The following MITF variants were observed in gnomAD, a reference collection of about 807,000 sequenced individuals.
The protein encoded by MITF is microphthalmia-associated transcription factor.
In MITF, 17 loss-of-function variants were observed where a neutral mutation model predicts 60.5. That is an observed-to-expected ratio of 0.28 (90% CI 0.19 to 0.42). The LOEUF (loss-of-function observed/expected upper bound fraction) is 0.42. MITF is among the 10% of genes least tolerant of loss of function. The pLI, the probability that MITF is intolerant of heterozygous loss-of-function variation, is 1.00. For synonymous variants in MITF, 260 were observed against 248.5 expected (o/e 1.05, Z -0.43); for missense variants, 622 against 683.5 (o/e 0.91, Z 1.00).
At chr3:69,842,709 A>T (rs2063661413) in intron 1 of MITF, among the ~76,000 whole-genome samples, 1 of 151,908 alleles carries the variant, frequency 6.6e-6, no homozygotes, top group Non-Finnish European at 1.5e-5. Context: ...TTTACTGTGT[A>T]ACAAATTTGC....
intron 2 of MITF, among the ~76,000 whole-genome samples, chr3:69,912,187 A>G (rs1445089207): frequency 1.3e-5 from 2 of 152,240 alleles, no homozygotes; most frequent in African/African-American, 4.8e-5. Flanking sequence ...AAAATCACAC[A>G]AAGTTATAGG....
At chr3:69,871,632 CTT>C (rs2064239227) in intron 1 of MITF, among the ~76,000 whole-genome samples, 1 of 152,138 alleles carries the variant, frequency 6.6e-6, no homozygotes, top group African/African-American at 2.4e-5. Flanking sequence ...ATGTTGGAAA[CTT>C]TGCATCTTGG....
chr3:69,880,583 CTT>C (rs1219263503), intron 2 of MITF, among the ~76,000 whole-genome samples: 1 of 151,922 alleles, frequency 6.6e-6, no homozygotes, highest in East Asian at 1.9e-4. Flanking sequence ...TTTCCTCTTT[CTT>C]TTTTTACCCG....
At chr3:69,897,923 T>C (rs1173399194) in intron 2 of MITF, among the ~76,000 whole-genome samples, 5 of 152,210 alleles carry the variant, frequency 3.3e-5, no homozygotes, top group African/African-American at 1.2e-4. Flanking sequence ...CTTACAAAGA[T>C]GTTGAATGGG....
rs551725869 is a variant in MITF at position 69,945,283 on chromosome 3, C to T, written c.763-3768C>T. The stretch of plus-strand genomic sequence containing the variant: ...ACCAGTATGGGGGCATAGACCCAGG[C>T]GCATCTTCCTTCAATTTGTTTGTCC... On this transcript the variant is annotated intron_variant, in intron 5 of 9. Transcript: ENST00000352241. 4.6e-4 allele frequency among the ~76,000 whole-genome samples: 70 copies of T among 152,244 alleles called. No homozygotes were observed. The South Asian group carries it at 5.2e-3, about 11-fold the overall frequency.
intron 2 of MITF, among the ~76,000 whole-genome samples, chr3:69,911,784 G>C (rs1401371020): frequency 6.6e-6 from 1 of 152,198 alleles, no homozygotes; most frequent in Admixed American, 6.5e-5. Flanking sequence ...TATGTTTGGA[G>C]AGAAAAGGAA....
intron 1 of MITF, 178 bp from the exon 2 acceptor site, chr3:69,878,956 C>T (rs2064417300): frequency 1.6e-6 from 1 of 616,352 alleles, no homozygotes; most frequent in Admixed American, 2.6e-5. Flanking sequence ...AATTCAACTA[C>T]TAATGACTTA....
At chr3:69,895,808 T>TG (rs1553695524) in intron 2 of MITF, among the ~76,000 whole-genome samples, 9 of 140,146 alleles carry the variant, frequency 6.4e-5, no homozygotes, top group African/African-American at 7.9e-5. Flanking sequence ...TGTGGAGTGT[T>TG]TGTGTGTGTG....
At chr3:69,933,783 A>T (rs148205777) in intron 2 of MITF, among the ~76,000 whole-genome samples, 14 of 152,310 alleles carry the variant, frequency 9.2e-5, no homozygotes, top group African/African-American at 2.9e-4. Context: ...TGCAAACATT[A>T]TCAGGAAATC....
intron 1 of MITF, among the ~76,000 whole-genome samples, chr3:69,877,991 G>A (rs1194794808): frequency 6.6e-6 from 1 of 152,008 alleles, no homozygotes; most frequent in African/African-American, 2.4e-5. Flanking sequence ...TATATAGAGA[G>A]AGAAATAAAC....
At chr3:69,830,435 T>A (rs2063427677) in intron 1 of MITF, among the ~76,000 whole-genome samples, 1 of 152,208 alleles carries the variant, frequency 6.6e-6, no homozygotes, top group African/African-American at 2.4e-5. Flanking sequence ...CCTCTGGGCC[T>A]ACCCTGACTA....
At chr3:69,905,960 G>A (rs1259294335) in intron 2 of MITF, among the ~76,000 whole-genome samples, 2 of 152,040 alleles carry the variant, frequency 1.3e-5, no homozygotes, top group East Asian at 3.9e-4. Context: ...CTTTTGAAAA[G>A]CAGAAGTTTT....
chr3:69,754,613 A>G (rs1008648656), intron 1 of MITF, among the ~76,000 whole-genome samples: 7 of 151,188 alleles, frequency 4.6e-5, no homozygotes, highest in African/African-American at 1.2e-4. Context: ...ACAGTGAACC[A>G]ATTACATCTC....
chr3:69,806,971 G>A (rs1575743493), intron 1 of MITF, among the ~76,000 whole-genome samples: 1 of 152,248 alleles, frequency 6.6e-6, no homozygotes, highest in African/African-American at 2.4e-5. Flanking sequence ...TTTTGAAGAT[G>A]GTTTTACACA....
At chr3:69,840,886 A>T (rs2063624830) in intron 1 of MITF, among the ~76,000 whole-genome samples, 1 of 151,776 alleles carries the variant, frequency 6.6e-6, no homozygotes, top group Non-Finnish European at 1.5e-5. Flanking sequence ...CTTCCGAGTA[A>T]CTGGGATTAC....
intron 1 of MITF, among the ~76,000 whole-genome samples, chr3:69,791,153 A>T (rs1388884775): frequency 1.3e-5 from 2 of 152,154 alleles, no homozygotes; most frequent in Non-Finnish European, 2.9e-5. Context: ...CTAAATATAG[A>T]TGTGTTAAAT....
chr3:69,936,951 T>G (rs1192936122), intron 2 of MITF: 1 of 337,856 alleles, frequency 3.0e-6, no homozygotes, highest in Non-Finnish European at 5.3e-6. Context: ...AGGATTCTTT[T>G]TTTTTTTTTT....
intron 1 of MITF, among the ~76,000 whole-genome samples, chr3:69,835,220 G>A (rs1488129480): frequency 1.3e-5 from 2 of 151,928 alleles, no homozygotes; most frequent in African/African-American, 4.8e-5. Context: ...GTGTTGCCAC[G>A]TTGCCGAGAC....
intron 2 of MITF, among the ~76,000 whole-genome samples, chr3:69,894,905 T>C (rs1286227066): frequency 2.0e-5 from 3 of 152,114 alleles, no homozygotes; most frequent in Non-Finnish European, 4.4e-5. Flanking sequence ...CAGAGGCCAT[T>C]CTCTCCAACC....
Sources: allele counts gnomAD v4.1 joint callset (sites outside exome capture counted in the v4.1 genomes callset), GRCh38; gene constraint gnomAD v4.1.1; transcripts MANE v1.5; gene names NCBI Gene and HGNC (gene_info 2026-07-23, HGNC 2026-07-21).